The following MAP3K1 variants were observed in gnomAD, a reference collection of about 807,000 sequenced individuals.
MAP3K1 encodes the protein mitogen-activated protein kinase kinase kinase 1, also known as MAP/ERK kinase kinase 1.
Under a neutral mutation model 144.2 loss-of-function variants are expected in MAP3K1, and 36 were observed. The ratio of observed to expected loss-of-function variants is 0.25; its 90% CI spans 0.19 to 0.33. The LOEUF is 0.33. MAP3K1 is among the 10% of genes least tolerant of loss of function. The pLI, the probability that MAP3K1 is intolerant of heterozygous loss-of-function variation, is 1.00. For synonymous variants in MAP3K1, 718 were observed against 688.7 expected (o/e 1.04, Z -0.67); for missense variants, 1,650 against 1,881.9 (o/e 0.88, Z 2.28).
rs189140884 is a variant in MAP3K1, at chr5:56,815,738, G to C, written c.165G>C (p.Ala55=). 7.4e-7 allele frequency: 1 copy of C among 1,350,964 alleles called. No individual in the cohort carries two copies. Among genetic ancestry groups the C allele is most frequent in the Admixed American group, 2.8e-5 (1 of 35,570 alleles). The allele number at this position is 1,350,964 out of a possible 1,614,324, so 83.7% of individuals were successfully genotyped here. A position where few individuals can be genotyped will look rare whatever the true frequency, so the allele number is the denominator to read the frequency against. The change falls in exon 1 of 20, where the codon GCG becomes GCC. Residue 55 remains alanine, a synonymous_variant. Transcript: ENST00000399503. ...CGGGCAGCGGGGGCCGCGAGCGGGC[G>C]GACTGGCGGCGGCGGCAGCTGCGCA... The part of the protein sequence containing the change: ...REAGSGGRER[A]DWRRRQLRKV...
intron 15 of MAP3K1, among the ~76,000 whole-genome samples, chr5:56,884,114 A>C (rs1277211371): frequency 6.6e-6 from 1 of 152,122 alleles, no homozygotes; most frequent in South Asian, 2.1e-4. Flanking sequence ...GCACCACTGT[A>C]CTCCAGCCTG....
chr5:56,842,420 G>C (rs538833107), intron 1 of MAP3K1, among the ~76,000 whole-genome samples: 5 of 152,324 alleles, frequency 3.3e-5, no homozygotes, highest in Admixed American at 3.3e-4. Context: ...GCCCAATGAA[G>C]ATGAGGACTC....
At chr5:56,833,499 A>G (rs140753407) in intron 1 of MAP3K1, among the ~76,000 whole-genome samples, 1,934 of 152,166 alleles carry the variant, frequency 0.013, 21 homozygotes, top group Non-Finnish European at 0.019. Context: ...CCTGCTGTCT[A>G]TGCACACACT....
intron 1 of MAP3K1, among the ~76,000 whole-genome samples, chr5:56,846,003 A>T (rs1484299417): frequency 8.5e-5 from 13 of 152,236 alleles, no homozygotes; most frequent in African/African-American, 1.2e-4. Context: ...TACAAAGCTG[A>T]TTACTCTGAT....
chr5:56,826,135 A>T (rs564084538), intron 1 of MAP3K1, among the ~76,000 whole-genome samples: 60 of 152,086 alleles, frequency 3.9e-4, no homozygotes, highest in African/African-American at 1.3e-3. Flanking sequence ...CGGCGTGCCC[A>T]ATGCTCTTAC....
chr5:56,825,826 A>G (rs1360048904), intron 1 of MAP3K1, among the ~76,000 whole-genome samples: 1 of 152,102 alleles, frequency 6.6e-6, no homozygotes, highest in African/African-American at 2.4e-5. Context: ...CTTCACCCTC[A>G]GAATGAAGTC....
intron 11 of MAP3K1, 145 bp from the exon 12 acceptor site, chr5:56,880,566 T>C (rs1215496259): frequency 5.7e-6 from 4 of 700,878 alleles, no homozygotes; most frequent in African/African-American, 1.8e-5. Context: ...GGTGACATTG[T>C]TAATATGATT....
chr5:56,815,917 G>C lies in MAP3K1; in HGVS notation c.344G>C (p.Gly115Ala). The C allele has an allele frequency of 7.8e-7, 1 of 1,279,304 alleles. No homozygotes were observed. Among genetic ancestry groups the C allele is most frequent in the Non-Finnish European group, 9.8e-7 (1 of 1,015,792 alleles). 79.2% of individuals were successfully genotyped at this position (1,279,304 alleles called of 1,614,324 possible). The change falls in exon 1 of 20, where the codon GGA (glycine) becomes GCA (alanine). Residue 115 changes from glycine to alanine, a missense_variant. Transcript: ENST00000399503. ...FQPVAVPPPH[G>A]AASRGGAHLT... is the part of the protein sequence containing the mutation. ...CCTGTGGCGGTGCCGCCGCCCCACG[G>C]AGCCGCGAGCCGCGGCGGCGCCCAC...
chr5:56,876,773 T>C (rs1748046346), intron 10 of MAP3K1, among the ~76,000 whole-genome samples: 1 of 152,228 alleles, frequency 6.6e-6, no homozygotes, highest in Non-Finnish European at 1.5e-5. Flanking sequence ...GTAGAAACTT[T>C]CAACCATATG....
chr5:56,852,908 C>CAT (rs1484013885), intron 1 of MAP3K1, among the ~76,000 whole-genome samples: 11 of 152,164 alleles, frequency 7.2e-5, no homozygotes, highest in African/African-American at 1.7e-4. Flanking sequence ...TACATACATA[C>CAT]ACACACACAC....
intron 1 of MAP3K1, among the ~76,000 whole-genome samples, chr5:56,823,636 C>T (rs550153490): frequency 1.1e-4 from 17 of 152,222 alleles, no homozygotes; most frequent in East Asian, 9.6e-4. Context: ...TTTAGTCAGA[C>T]GTAGTTTAGG....
chr5:56,827,592 C>A (rs113995670), intron 1 of MAP3K1, among the ~76,000 whole-genome samples: 1 of 152,016 alleles, frequency 6.6e-6, no homozygotes, highest in East Asian at 1.9e-4. Flanking sequence ...TGCTGGGTGC[C>A]GTGGCTCACG....
chr5:56,881,422 TC>T, intron 13 of MAP3K1, 147 bp from the exon 14 acceptor site: 1 of 969,102 alleles, frequency 1.0e-6, no homozygotes, highest in Non-Finnish European at 1.6e-6. Flanking sequence ...AAACCCAAAG[TC>T]TGGGCTCTTT....
At chr5:56,865,215 A>G (rs1747640318) in intron 4 of MAP3K1, 125 bp from the exon 5 acceptor site, 1 of 682,712 alleles carries the variant, frequency 1.5e-6, no homozygotes, top group East Asian at 2.7e-5. Context: ...TACAAAGATA[A>G]TGAAGAATAT....
chr5:56,889,383 G>T (rs555338845), intron 19 of MAP3K1, among the ~76,000 whole-genome samples: 1 of 152,240 alleles, frequency 6.6e-6, no homozygotes, highest in East Asian at 1.9e-4. Flanking sequence ...TGGCCAGGCT[G>T]GTCTCGAACT....
chr5:56,818,651 C>G (rs1746057578), intron 1 of MAP3K1, among the ~76,000 whole-genome samples: 1 of 152,036 alleles, frequency 6.6e-6, no homozygotes, highest in South Asian at 2.1e-4. Flanking sequence ...AATTTAGGGG[C>G]TTTTTCTTCC....
intron 1 of MAP3K1, among the ~76,000 whole-genome samples, chr5:56,819,240 T>C (rs936075310): frequency 6.6e-6 from 1 of 152,192 alleles, no homozygotes; most frequent in Admixed American, 6.5e-5. Flanking sequence ...TTCCTTAATA[T>C]ACGATTTCCA....
Position 56,859,889 on chromosome 5 carries a change from A to G in MAP3K1, c.808A>G (p.Arg270Gly), listed in dbSNP as rs1416454518. 6.2e-7 allele frequency: 1 copy of G among 1,613,150 alleles called. No individual in the cohort carries two copies. Among genetic ancestry groups the G allele is most frequent in the Non-Finnish European group, 8.5e-7 (1 of 1,179,644 alleles). The change falls in exon 3 of 20, where the codon AGG (arginine) becomes GGG (glycine). Residue 270 changes from arginine (R) to glycine (G), a missense_variant. By Grantham distance (125) the Arg-to-Gly change is moderately radical. Around this residue, in one of 6 missense-constraint regions of MAP3K1, gnomAD observed 148 missense variants for 177.2 expected, o/e 0.84. Coordinates refer to ENST00000399503, the MANE Select transcript of MAP3K1 (RefSeq NM_005921.2). ...AGTGAAATCAGAATCTCCAGGAGTA[A>G]GGAGAAAAAGAGTTTCCCCAGTGCC... ...RTVKSESPGV[R>G]RKRVSPVPFQ...
Position 56,865,449 on chromosome 5 carries a change from AT to A in MAP3K1, c.1149del (p.Phe383LeufsTer53). ...DPMLWRKTLK[N>X]FEVESLFQKY... ...ATGTTATGGAGAAAAACTTTAAAGA[AT>A]TTTGAGGTAGTTTTTAATAAATGCT... On this transcript the variant is annotated frameshift_variant, in exon 5 of 20. Coordinates refer to ENST00000399503, the MANE Select transcript of MAP3K1 (RefSeq NM_005921.2). LOFTEE classifies it high-confidence loss of function. 1 of 1,547,784 alleles carries A rather than the reference AT, an allele frequency of 6.5e-7. No individual in the cohort carries two copies. Among genetic ancestry groups the A allele is most frequent in the Non-Finnish European group, 8.9e-7 (1 of 1,119,632 alleles).
Sources: gnomAD v4.1 joint callset for allele counts (sites outside exome capture counted in the v4.1 genomes callset) on GRCh38, gnomAD v4.1.1 for gene constraint, gnomAD v4.1.1 regional missense constraint, MANE v1.5 for transcripts, NCBI Gene and HGNC (gene_info 2026-07-23, HGNC 2026-07-21) for gene names.